ECT2L: variants seen among roughly 807,000 people sequenced by gnomAD.
The protein encoded by ECT2L is epithelial cell-transforming sequence 2 oncogene-like.
Under a neutral mutation model 122.8 loss-of-function variants are expected in ECT2L, and 126 were observed. That is an observed-to-expected ratio of 1.03 (90% CI 0.89 to 1.19). The LOEUF (loss-of-function observed/expected upper bound fraction) is 1.19. Among genes scored for constraint, ECT2L ranks in the 50% most tolerant of loss-of-function variants. The pLI, the probability that ECT2L is intolerant of heterozygous loss-of-function variation, is 0.00. For synonymous variants in ECT2L, 385 were observed against 381.8 expected (o/e 1.01, Z -0.10); for missense variants, 1,012 against 1,064.1 (o/e 0.95, Z 0.68).
At chr6:138,869,414 G>A (rs930402412) in intron 13 of ECT2L, among the ~76,000 whole-genome samples, 1 of 152,136 alleles carries the variant, frequency 6.6e-6, no homozygotes, top group African/African-American at 2.4e-5. Flanking sequence ...CTGTTTCAGT[G>A]TGGCTTCCTG....
Position 138,868,279 on chromosome 6 carries a change from AT to A in ECT2L, c.1578+80del, listed in dbSNP as rs554726357. The A allele has an allele frequency of 1.7e-4, 230 of 1,386,462 alleles. No homozygotes were observed. The East Asian group carries it at 5.3e-3, about 32-fold the overall frequency. 85.9% of individuals were successfully genotyped at this position (1,386,462 alleles called of 1,614,324 possible). On this transcript the variant is annotated intron_variant, in intron 13 of 21. Transcript: ENST00000541398. ...TAAATTCTGTTTGCAGTTATTATTA[AT>A]TTTTTTGACCAGTTTATCCCTTTCA...
intron 1 of ECT2L, among the ~76,000 whole-genome samples, chr6:138,812,590 G>A (rs977941432): frequency 6.6e-6 from 1 of 152,068 alleles, no homozygotes; most frequent in African/African-American, 2.4e-5. Context: ...GATCATTTGA[G>A]GTCTGTGAGT....
At chr6:138,804,336 C>A (rs973837667) in intron 1 of ECT2L, among the ~76,000 whole-genome samples, 4 of 152,052 alleles carry the variant, frequency 2.6e-5, no homozygotes, top group African/African-American at 9.7e-5. Context: ...TGAAACAATC[C>A]ACCCTTCCCT....
Position 138,843,139 on chromosome 6 carries a change from A to G in ECT2L, c.503A>G (p.Asn168Ser). The change falls in exon 6 of 22, where the codon AAT (asparagine) becomes AGT (serine). Residue 168 changes from asparagine to serine, a missense_variant. Transcript: ENST00000541398. ...REAAATYGTL[N>S]EPKTEDEELL... ...GCTGCTGCTACTTATGGGACGCTGA[A>G]TGAACCCAAAACAGAAGATGAGGAA... 8 of 1,614,182 alleles carry G rather than the reference A, an allele frequency of 5.0e-6. No homozygotes were observed. The highest frequency in any genetic ancestry group is 6.8e-6 in the Non-Finnish European group (8 of 1,179,996).
chr6:138,843,295 C>A, intron 6 of ECT2L, 64 bp downstream of exon 6: 1 of 1,456,616 alleles, frequency 6.9e-7, no homozygotes, highest in Non-Finnish European at 9.2e-7. Flanking sequence ...GATTCACATA[C>A]AAATTCCCAC....
At chr6:138,831,069 C>T (rs1290361630) in intron 4 of ECT2L, among the ~76,000 whole-genome samples, 3 of 152,188 alleles carry the variant, frequency 2.0e-5, no homozygotes. Context: ...TTTAATGGTA[C>T]CACCAGCCAT....
rs1777347510 is a variant in ECT2L at position 138,849,364 on chromosome 6, G to C, written c.999G>C (p.Leu333=). 2 of 1,613,986 alleles carry C rather than the reference G, an allele frequency of 1.2e-6. No homozygotes were observed. Among genetic ancestry groups the C allele is most frequent in the Admixed American group, 1.7e-5 (1 of 59,994 alleles). ...TTCTGTATCTTATAGAAAAAGCTCTGGATGGGCAGAAGGCACAGAGCATCG... is the reference window on the plus strand; with the variant it reads ...TTCTGTATCTTATAGAAAAAGCTCTCGATGGGCAGAAGGCACAGAGCATCG... ...ESLLYLIEKA[L]DGQKAQSIGI... Residue 333 remains leucine (L), a synonymous_variant, in exon 9 of 22, where the codon CTG becomes CTC. Coordinates refer to ENST00000541398, the MANE Select transcript of ECT2L (RefSeq NM_001077706.3).
intron 4 of ECT2L, among the ~76,000 whole-genome samples, chr6:138,827,280 G>C (rs1307783003): frequency 6.6e-6 from 1 of 151,500 alleles, no homozygotes; most frequent in Non-Finnish European, 1.5e-5. Context: ...TCTGGGAGGT[G>C]GAGGTTGTAG....
chr6:138,836,772 G>A (rs1407870311), intron 4 of ECT2L, among the ~76,000 whole-genome samples: 2 of 151,968 alleles, frequency 1.3e-5, no homozygotes, highest in East Asian at 3.9e-4. Flanking sequence ...TATTCAATAG[G>A]CTATATTACA....
At chr6:138,857,770 C>T (rs930165295) in intron 10 of ECT2L, among the ~76,000 whole-genome samples, 2 of 152,146 alleles carry the variant, frequency 1.3e-5, no homozygotes, top group African/African-American at 4.8e-5. Context: ...CTCTCCTTTT[C>T]CACATACGCA....
chr6:138,839,831 C>A (rs1453221661), intron 5 of ECT2L, among the ~76,000 whole-genome samples: 2 of 151,866 alleles, frequency 1.3e-5, no homozygotes, highest in East Asian at 3.9e-4. Context: ...TTTAACAGTT[C>A]TTTCATGGTT....
intron 6 of ECT2L, 81 bp from the exon 7 acceptor site, chr6:138,844,331 T>G: frequency 6.7e-7 from 1 of 1,500,990 alleles, no homozygotes; most frequent in African/African-American, 1.4e-5. Flanking sequence ...TACAGCTTTA[T>G]TTTTGATGCC....
At position 138,881,148 on chromosome 6, in the gene ECT2L, T is replaced by C. The variant is rs73559413; in HGVS notation, c.1857T>C (p.Ile619=). 4.4e-3 allele frequency: 7,159 copies of C among 1,614,078 alleles called. 296 individuals are homozygous for C. The African/African-American group carries it at 0.083, about 19-fold the overall frequency. ...ATATCCAGATCATTTTCTGTGACAT[T>C]CTACAGATTTTAAGTCTCAACAGGT... ...AANIQIIFCD[I]LQILSLNRQF... Residue 619 remains isoleucine (I), a synonymous_variant, in exon 15 of 22, where the codon ATT becomes ATC. Coordinates refer to ENST00000541398, the MANE Select transcript of ECT2L (RefSeq NM_001077706.3).
chr6:138,812,674 G>T (rs765411609), intron 1 of ECT2L, among the ~76,000 whole-genome samples, 164 bp from the exon 2 acceptor site: 1 of 152,070 alleles, frequency 6.6e-6, no homozygotes, highest in Non-Finnish European at 1.5e-5. Context: ...GCATGGTGGT[G>T]CGCACCTGTA....
At chr6:138,878,162 C>T (rs1167246952) in intron 14 of ECT2L, among the ~76,000 whole-genome samples, 1 of 152,048 alleles carries the variant, frequency 6.6e-6, no homozygotes, top group Non-Finnish European at 1.5e-5. Context: ...CTAATGGATC[C>T]TCACTTAAAG....
intron 20 of ECT2L, among the ~76,000 whole-genome samples, chr6:138,889,889 T>C (rs1351005482): frequency 1.3e-5 from 2 of 152,186 alleles, no homozygotes; most frequent in African/African-American, 4.8e-5. Context: ...ATAGTAAATA[T>C]TTCAGATTTT....
Position 138,833,659 on chromosome 6 carries a change from G to A in ECT2L, c.180-4693G>A, listed in dbSNP as rs576415278. 5.3e-5 allele frequency among the ~76,000 whole-genome samples: 8 copies of A among 152,090 alleles called. No individual in the cohort carries two copies. The East Asian group carries it at 5.8e-4, about 11-fold the overall frequency. On this transcript the variant is annotated intron_variant, in intron 4 of 21. Coordinates refer to ENST00000541398, the MANE Select transcript of ECT2L (RefSeq NM_001077706.3). ...CTTCACTAAAATACAAAAATTAGCC[G>A]GGCTTGGTGGCATGCACCTGTAATC... is the stretch of plus-strand genomic sequence containing the variant.
At chr6:138,873,879 T>TGG in intron 13 of ECT2L, among the ~76,000 whole-genome samples, 1 of 111,912 alleles carries the variant, frequency 8.9e-6, no homozygotes, top group African/African-American at 3.5e-5. Flanking sequence ...GGACTGTGTG[T>TGG]GTGTGTGTGT....
intron 16 of ECT2L, among the ~76,000 whole-genome samples, chr6:138,883,097 A>G (rs976655138): frequency 3.3e-5 from 5 of 152,138 alleles, no homozygotes; most frequent in African/African-American, 9.7e-5. Context: ...ACTCATCCTC[A>G]TGCAAATGGC....
Sources: allele counts gnomAD v4.1 joint callset (sites outside exome capture counted in the v4.1 genomes callset), GRCh38; gene constraint gnomAD v4.1.1; transcripts MANE v1.5; gene names NCBI Gene and HGNC (gene_info 2026-07-23, HGNC 2026-07-21).